The following HDAC9 variants were observed in gnomAD, a reference collection of about 807,000 sequenced individuals.
The protein encoded by HDAC9 is MEF-2 interacting transcription repressor (MITR) protein.
In HDAC9, 41 loss-of-function variants were observed where a neutral mutation model predicts 139.4. The ratio of observed to expected loss-of-function variants is 0.29; its 90% confidence interval spans 0.23 to 0.38. The LOEUF is 0.38. Among genes scored for constraint, HDAC9 ranks in the 10% least tolerant of loss-of-function variants. The pLI is 1.00. For missense variants in HDAC9, 1,147 were observed against 1,297.0 expected (o/e 0.88, Z 1.78); for synonymous variants, 517 against 476.2 (o/e 1.09, Z -1.12).
At chr7:18,109,305 T>A (rs1783446919) in intron 1 of HDAC9, among the ~76,000 whole-genome samples, 1 of 152,210 alleles carries the variant, frequency 6.6e-6, no homozygotes, top group South Asian at 2.1e-4. Flanking sequence ...ATAAGATTGT[T>A]GTAAGGATAT....
intron 15 of HDAC9, among the ~76,000 whole-genome samples, chr7:18,765,223 C>T (rs1398299165): frequency 5.3e-5 from 8 of 152,120 alleles, no homozygotes; most frequent in Middle Eastern, 3.4e-3. Context: ...TAAACATTCT[C>T]CTAAGTAGGT....
At chr7:18,206,028 T>G (rs1372962729) in intron 2 of HDAC9, among the ~76,000 whole-genome samples, 1 of 152,154 alleles carries the variant, frequency 6.6e-6, no homozygotes, top group South Asian at 2.1e-4. Context: ...ATAGTAACTT[T>G]TAATAGTTAA....
At chr7:18,648,719 C>G in intron 11 of HDAC9, 36 bp downstream of exon 11, 1 of 1,561,828 alleles carries the variant, frequency 6.4e-7, no homozygotes, top group South Asian at 1.2e-5. Context: ...GTTCTAACCG[C>G]CAGTTTGGAA....
chr7:18,758,373 G>C (rs945527466), intron 14 of HDAC9, among the ~76,000 whole-genome samples: 23 of 152,086 alleles, frequency 1.5e-4, no homozygotes, highest in African/African-American at 4.3e-4. Context: ...GAAAACTTTA[G>C]CCTATTTTTT....
intron 2 of HDAC9, among the ~76,000 whole-genome samples, chr7:18,549,382 TCAAAA>T (rs929224833): frequency 5.9e-5 from 9 of 152,296 alleles, no homozygotes; most frequent in South Asian, 4.1e-4. Context: ...TTGAAATAAC[TCAAAA>T]CAATAAACAT....
chr7:18,136,283 G>C (rs553609319), intron 1 of HDAC9, among the ~76,000 whole-genome samples: 3 of 151,710 alleles, frequency 2.0e-5, no homozygotes, highest in Admixed American at 2.0e-4. Context: ...AGTTTCTTCT[G>C]CTGTGCAGAA....
At chr7:18,785,705 T>C (rs993892837) in intron 16 of HDAC9, among the ~76,000 whole-genome samples, 5 of 152,184 alleles carry the variant, frequency 3.3e-5, no homozygotes, top group Admixed American at 6.5e-5. Flanking sequence ...TTTTTTAAAA[T>C]ACCATTTTAT....
intron 2 of HDAC9, among the ~76,000 whole-genome samples, chr7:18,277,245 C>T (rs540809438): frequency 3.7e-4 from 56 of 152,250 alleles, no homozygotes; most frequent in South Asian, 1.2e-3. Flanking sequence ...CGATCGCCTG[C>T]GGCACTGAAG....
At chr7:18,092,681 G>A (rs1454162710) in intron 1 of HDAC9, among the ~76,000 whole-genome samples, 1 of 152,132 alleles carries the variant, frequency 6.6e-6, no homozygotes, top group Non-Finnish European at 1.5e-5. Context: ...TTAATGAAAT[G>A]TTTGAGTTTT....
rs139784382 is a variant in HDAC9, at chr7:18,631,716, C to T, written c.796+2235C>T. 5.7e-3 allele frequency among the ~76,000 whole-genome samples: 859 copies of T among 151,902 alleles called. 14 individuals carry two copies. The highest frequency in any genetic ancestry group is 0.019 in the African/African-American group (784 of 41,442). ...CCCCTACAAAAAGTCCTGTTCTTTT[C>T]AAATGTTAAAATTGACTCCCCCTGT... On this transcript the variant is annotated intron_variant, in intron 7 of 25. Transcript: ENST00000686413.
intron 1 of HDAC9, among the ~76,000 whole-genome samples, chr7:18,412,495 C>T (rs1342509805): frequency 6.6e-6 from 1 of 152,076 alleles, no homozygotes; most frequent in Non-Finnish European, 1.5e-5. Context: ...TGCTATATGC[C>T]TTATAAATCA....
At chr7:18,846,861 C>A (rs1355676447) in intron 21 of HDAC9, among the ~76,000 whole-genome samples, 2 of 152,144 alleles carry the variant, frequency 1.3e-5, no homozygotes, top group Non-Finnish European at 2.9e-5. Flanking sequence ...GCCTTAGGGT[C>A]AGGCCTGAGA....
At chr7:18,559,483 A>AG (rs1350144777) in intron 2 of HDAC9, among the ~76,000 whole-genome samples, 1 of 152,192 alleles carries the variant, frequency 6.6e-6, no homozygotes, top group Non-Finnish European at 1.5e-5. Context: ...TGTTAAGGTG[A>AG]GGGACAAGCA....
chr7:18,378,698 T>A (rs562251337), intron 1 of HDAC9, among the ~76,000 whole-genome samples: 133 of 152,280 alleles, frequency 8.7e-4, no homozygotes, highest in African/African-American at 3.1e-3. Flanking sequence ...TATGTTTATG[T>A]ATATGCATAG....
chr7:18,388,779 C>G (rs565739265), intron 1 of HDAC9, among the ~76,000 whole-genome samples: 2 of 152,236 alleles, frequency 1.3e-5, no homozygotes, highest in South Asian at 4.2e-4. Context: ...TGTTACAGAA[C>G]TAAGTCTTTT....
intron 15 of HDAC9, among the ~76,000 whole-genome samples, chr7:18,763,486 T>C (rs1789564345): frequency 6.6e-6 from 1 of 152,194 alleles, no homozygotes. Context: ...AAATAATGTA[T>C]ACTATCGAAT....
chr7:18,219,689 A>G (rs1030787155), intron 2 of HDAC9, among the ~76,000 whole-genome samples: 6 of 152,172 alleles, frequency 3.9e-5, no homozygotes, highest in African/African-American at 1.2e-4. Flanking sequence ...CATATAACTG[A>G]TGTTCTCTGT....
chr7:18,256,322 G>T (rs1795242234), intron 2 of HDAC9, among the ~76,000 whole-genome samples: 1 of 152,118 alleles, frequency 6.6e-6, no homozygotes, highest in African/African-American at 2.4e-5. Context: ...TAATAATACT[G>T]CATAACATTT....
chr7:18,692,736 G>C (rs886377434), intron 12 of HDAC9, among the ~76,000 whole-genome samples: 6 of 151,964 alleles, frequency 3.9e-5, no homozygotes, highest in African/African-American at 1.4e-4. Context: ...TATAAACAGG[G>C]CTCTGACAAT....
Sources: gnomAD v4.1 joint callset for allele counts (sites outside exome capture counted in the v4.1 genomes callset) on GRCh38, gnomAD v4.1.1 for gene constraint, MANE v1.5 for transcripts, NCBI Gene and HGNC (gene_info 2026-07-23, HGNC 2026-07-21) for gene names.